The following GRM7 variants were observed in gnomAD, a reference collection of about 807,000 sequenced individuals.
GRM7 encodes glutamate metabotropic receptor 7.
GRM7 carries 35 observed loss-of-function variants against 84.5 expected under a neutral mutation model. That is an observed-to-expected ratio of 0.41 (90% CI 0.32 to 0.55). The LOEUF (loss-of-function observed/expected upper bound fraction) is 0.55, where lower values mean the gene tolerates loss of function less well. GRM7 is among the 20% of genes least tolerant of loss of function. The pLI, the probability that GRM7 is intolerant of heterozygous loss-of-function variation, is 0.19. For missense variants in GRM7, 1,003 were observed against 1,194.6 expected (o/e 0.84, Z 2.36); for synonymous variants, 487 against 455.1 (o/e 1.07, Z -0.89).
intron 9 of GRM7, among the ~76,000 whole-genome samples, chr3:7,726,101 T>G (rs1450079675): frequency 6.6e-6 from 1 of 152,114 alleles, no homozygotes; most frequent in Non-Finnish European, 1.5e-5. Flanking sequence ...TAATAATGAG[T>G]CAGAATCTAT....
intron 2 of GRM7, among the ~76,000 whole-genome samples, chr3:7,250,740 T>A (rs1369428402): frequency 1.3e-5 from 2 of 152,114 alleles, no homozygotes; most frequent in African/African-American, 4.8e-5. Context: ...GCCAGGCTGG[T>A]CTCGAACTCC....
intron 9 of GRM7, among the ~76,000 whole-genome samples, chr3:7,685,223 T>A: frequency 6.6e-6 from 1 of 152,208 alleles, no homozygotes; most frequent in East Asian, 1.9e-4. Flanking sequence ...AACTGCAGCC[T>A]TCTTCACCTG....
intron 7 of GRM7, among the ~76,000 whole-genome samples, chr3:7,477,247 C>T (rs1698959124): frequency 6.6e-6 from 1 of 152,072 alleles, no homozygotes; most frequent in Admixed American, 6.6e-5. Context: ...GAGCAAGATA[C>T]TCAGCTGCCT....
intron 8 of GRM7, among the ~76,000 whole-genome samples, chr3:7,632,075 G>A (rs1404072238): frequency 6.6e-6 from 1 of 152,190 alleles, no homozygotes; most frequent in African/African-American, 2.4e-5. Flanking sequence ...CCCTGAAGGA[G>A]GACAGAGTTT....
At chr3:7,036,018 C>A (rs926040384) in intron 1 of GRM7, among the ~76,000 whole-genome samples, 1 of 152,138 alleles carries the variant, frequency 6.6e-6, no homozygotes, top group Non-Finnish European at 1.5e-5. Flanking sequence ...TCCCACTTTG[C>A]CAGTGAGAAT....
At chr3:7,154,236 T>G (rs1694376907) in intron 2 of GRM7, among the ~76,000 whole-genome samples, 1 of 152,146 alleles carries the variant, frequency 6.6e-6, no homozygotes, top group East Asian at 1.9e-4. Flanking sequence ...ACTACCATAT[T>G]GTTTCTCTGG....
At chr3:7,375,459 C>G (rs11919888) in intron 4 of GRM7, among the ~76,000 whole-genome samples, 58,689 of 151,844 alleles carry the variant, frequency 0.39, 11,577 homozygotes, top group East Asian at 0.57. Flanking sequence ...ACCTTGTGAT[C>G]CACCCACATC....
At chr3:7,567,995 T>A (rs1694405281) in intron 7 of GRM7, among the ~76,000 whole-genome samples, 1 of 152,142 alleles carries the variant, frequency 6.6e-6, no homozygotes, top group Admixed American at 6.5e-5. Context: ...TATGTCAATA[T>A]GTTACCTTTA....
At chr3:7,543,128 A>T (rs747983608) in intron 7 of GRM7, among the ~76,000 whole-genome samples, 4 of 152,216 alleles carry the variant, frequency 2.6e-5, no homozygotes, top group Non-Finnish European at 5.9e-5. Flanking sequence ...TATCTGAAAC[A>T]TACATCCCTA....
chr3:7,064,305 G>T (rs115394074), intron 1 of GRM7, among the ~76,000 whole-genome samples: 23,287 of 149,668 alleles, frequency 0.16, 2,142 homozygotes, highest in South Asian at 0.21. Context: ...GCATAGCTTA[G>T]CCCCCACATA....
intron 2 of GRM7, among the ~76,000 whole-genome samples, chr3:7,189,247 A>T (rs1385423769): frequency 6.6e-6 from 1 of 152,184 alleles, no homozygotes; most frequent in Non-Finnish European, 1.5e-5. Flanking sequence ...ACATATACAC[A>T]TATATCACGC....
At chr3:6,953,112 A>G (rs779770517) in intron 1 of GRM7, among the ~76,000 whole-genome samples, 2 of 152,246 alleles carry the variant, frequency 1.3e-5, no homozygotes, top group East Asian at 1.9e-4. Flanking sequence ...GGAGTAGAAC[A>G]TGATGTTTCC....
At chr3:6,901,105 T>A (rs1205002401) in intron 1 of GRM7, among the ~76,000 whole-genome samples, 1 of 152,230 alleles carries the variant, frequency 6.6e-6, no homozygotes, top group African/African-American at 2.4e-5. Context: ...CATTTACATT[T>A]GTTTTTATTT....
chr3:7,319,803 T>C (rs1700708667), intron 4 of GRM7, among the ~76,000 whole-genome samples: 1 of 152,032 alleles, frequency 6.6e-6, no homozygotes, highest in Non-Finnish European at 1.5e-5. Flanking sequence ...TAAAGACACT[T>C]ATTTTTGTAT....
At chr3:7,125,322 A>AT (rs1693364622) in intron 1 of GRM7, among the ~76,000 whole-genome samples, 1 of 152,206 alleles carries the variant, frequency 6.6e-6, no homozygotes, top group African/African-American at 2.4e-5. Flanking sequence ...AGCCTAAGAG[A>AT]TGGAGGCCAG....
At position 6,861,578 on chromosome 3, in the gene GRM7, G is replaced by T; in HGVS notation, c.190G>T (p.Gly64Ter). ...CCCCGTGCACGCCAAGGGTCCCAGC[G>T]GAGTGCCCTGCGGCGACATCAAGAG... ...LFPVHAKGPS[G>*]VPCGDIKREN... The change falls in exon 1 of 10, where the codon GGA (glycine) becomes TGA (stop). Residue 64 changes from glycine to a stop codon, truncating the protein, a stop_gained. Transcript: ENST00000357716. LOFTEE classifies it high-confidence loss of function. The surrounding 1 kb of genome is among the most constrained non-coding windows in gnomAD (Gnocchi z 6.4). The T allele has an allele frequency of 6.2e-7, 1 of 1,606,224 alleles. No individual in the cohort carries two copies. Among genetic ancestry groups the T allele is most frequent in the Non-Finnish European group, 8.5e-7 (1 of 1,175,702 alleles).
rs182096703 is a variant in GRM7, at chr3:7,275,388, A to G, written c.737-23296A>G. 3.3e-5 allele frequency among the ~76,000 whole-genome samples: 5 copies of G among 152,278 alleles called. No homozygotes were observed. The East Asian group carries it at 9.7e-4, about 29-fold the overall frequency. ...GCATGATGTACCTGCTAAGAGAAAC[A>G]GCTGTAAATAGGCCTTTACTAATAT... On this transcript the variant is annotated intron_variant, in intron 2 of 9. Transcript: ENST00000357716.
At chr3:7,694,394 C>T (rs906767917) in intron 9 of GRM7, 7 of 950,320 alleles carry the variant, frequency 7.4e-6, no homozygotes, top group Non-Finnish European at 6.3e-6. Flanking sequence ...ATCTGATATT[C>T]TTCTATTTGG....
intron 2 of GRM7, among the ~76,000 whole-genome samples, chr3:7,249,599 A>G (rs758889581): frequency 5.9e-5 from 9 of 152,218 alleles, no homozygotes; most frequent in Non-Finnish European, 1.2e-4. Flanking sequence ...ATGTAGAAGT[A>G]AAAAGAGCAT....
Sources: gnomAD v4.1 joint callset for allele counts (sites outside exome capture counted in the v4.1 genomes callset) on GRCh38, gnomAD v4.1.1 for gene constraint, Gnocchi (gnomAD v3.1) non-coding constraint, MANE v1.5 for transcripts, NCBI Gene and HGNC (gene_info 2026-07-23, HGNC 2026-07-21) for gene names.